Variants in CDH4 observed in about 807,000 individuals in gnomAD.
The protein encoded by CDH4 is cadherin 4.
A neutral mutation model predicts 86.0 loss-of-function variants in CDH4; 33 were observed. That is an observed-to-expected ratio of 0.38 (90% CI 0.29 to 0.51). CDH4 has a LOEUF of 0.51. Ranked by LOEUF, CDH4 falls within the 20% of genes least tolerant of loss-of-function variation. The pLI, the probability that CDH4 is intolerant of heterozygous loss-of-function variation, is 0.86. For missense variants in CDH4, 1,114 were observed against 1,307.4 expected (o/e 0.85, Z 2.28); for synonymous variants, 555 against 549.4 (o/e 1.01, Z -0.14).
chr20:61,684,687 A>T lies in CDH4; in HGVS notation c.170-58876A>T, dbSNP rs115092541. Among the ~76,000 whole-genome samples the T allele has an allele frequency of 1.3e-5, 2 of 152,136 alleles. No homozygotes were observed. Among genetic ancestry groups the T allele is most frequent in the African/African-American group, 4.8e-5 (2 of 41,502 alleles). On this transcript the variant is annotated intron_variant, in intron 2 of 15. Coordinates refer to ENST00000614565, the MANE Select transcript of CDH4 (RefSeq NM_001794.5). The surrounding 1 kb of genome is among the most constrained non-coding windows in gnomAD (Gnocchi z 4.5). ...ATCTCAAAGTCTTACAAACCATCTT[A>T]GCGTTTTTGTGCAAACAGCTCCCAA...
intron 2 of CDH4, among the ~76,000 whole-genome samples, chr20:61,491,414 G>C (rs2427136): frequency 0.34 from 52,152 of 152,060 alleles, 10,883 homozygotes; most frequent in Admixed American, 0.48. Context: ...TATGACTCGT[G>C]ATGCTGGTAA....
intron 2 of CDH4, among the ~76,000 whole-genome samples, chr20:61,739,969 C>A (rs1230318950): frequency 1.3e-5 from 2 of 152,192 alleles, no homozygotes; most frequent in Non-Finnish European, 2.9e-5. Flanking sequence ...ACACGGAGAC[C>A]CTCAGTGCAT....
chr20:61,772,872 C>T (rs76634929), intron 3 of CDH4, 131 bp from the exon 4 acceptor site: 57,697 of 661,424 alleles, frequency 0.087, 2,955 homozygotes, highest in African/African-American at 0.12. Flanking sequence ...TCCCGCTTAG[C>T]TCCTTGTCCC....
intron 13 of CDH4, among the ~76,000 whole-genome samples, chr20:61,932,773 G>A (rs1413061662): frequency 6.6e-6 from 1 of 152,230 alleles, no homozygotes; most frequent in Admixed American, 6.5e-5. Context: ...CACGCACGTG[G>A]GCCGCACATG....
chr20:61,545,844 A>G (rs2086075054), intron 2 of CDH4, among the ~76,000 whole-genome samples: 3 of 115,200 alleles, frequency 2.6e-5, no homozygotes, highest in Non-Finnish European at 5.4e-5. Context: ...GTGTGTGTGG[A>G]GGGGTATGTG....
At chr20:61,714,031 ATT>A (rs1378684287) in intron 2 of CDH4, among the ~76,000 whole-genome samples, 2 of 135,600 alleles carry the variant, frequency 1.5e-5, no homozygotes, top group African/African-American at 6.9e-5. Flanking sequence ...TTTTTATTTT[ATT>A]TTATTTTATT....
At chr20:61,882,082 C>T (rs991124742) in intron 7 of CDH4, among the ~76,000 whole-genome samples, 4 of 152,226 alleles carry the variant, frequency 2.6e-5, no homozygotes, top group Admixed American at 6.5e-5. Context: ...ACCCTGCCCG[C>T]GCCTCCACCT....
chr20:61,760,140 C>T (rs1425403021), intron 3 of CDH4, among the ~76,000 whole-genome samples: 1 of 145,308 alleles, frequency 6.9e-6, no homozygotes, highest in African/African-American at 2.6e-5. Flanking sequence ...TGTATCTTCG[C>T]TTTTGGTGGG....
chr20:61,644,279 A>G (rs944266), intron 2 of CDH4, among the ~76,000 whole-genome samples: 55,498 of 152,132 alleles, frequency 0.36, 10,335 homozygotes, highest in East Asian at 0.61. Flanking sequence ...AAGGGAGGCC[A>G]CGTCACAGGC....
Position 61,902,771 on chromosome 20 carries a change from A to G in CDH4, c.1189-7651A>G, listed in dbSNP as rs954093115. Among the ~76,000 whole-genome samples the G allele has an allele frequency of 1.3e-5, 2 of 152,198 alleles. No homozygotes were observed. Among genetic ancestry groups the G allele is most frequent in the Non-Finnish European group, 2.9e-5 (2 of 68,016 alleles). On this transcript the variant is annotated intron_variant, in intron 8 of 15. Transcript: ENST00000614565. The surrounding 1 kb of genome is among the most constrained non-coding windows in gnomAD (Gnocchi z 4.6). ...AGGCTACATAGGTGTCGTTTTGGGAATATTTGAAGGAGGAAGATTCTAGCA... is the reference window on the plus strand; with the variant it reads ...AGGCTACATAGGTGTCGTTTTGGGAGTATTTGAAGGAGGAAGATTCTAGCA...
intron 2 of CDH4, among the ~76,000 whole-genome samples, chr20:61,297,910 C>T (rs915836042): frequency 2.0e-5 from 3 of 152,210 alleles, no homozygotes; most frequent in Admixed American, 6.5e-5. Flanking sequence ...GGGCAGTGCT[C>T]GCCTGTGGCC....
At chr20:61,553,977 T>C (rs186203001) in intron 2 of CDH4, among the ~76,000 whole-genome samples, 3 of 152,198 alleles carry the variant, frequency 2.0e-5, no homozygotes, top group Admixed American at 2.0e-4. Flanking sequence ...GCCAGGTCCC[T>C]GTCCTAGGAG....
Position 61,258,264 on chromosome 20 carries a change from A to G in CDH4, c.169+3327A>G, listed in dbSNP as rs1447448969. Among the ~76,000 whole-genome samples, 7 of 137,802 alleles carry G rather than the reference A, an allele frequency of 5.1e-5. No individual in the cohort carries two copies. In the East Asian group the frequency reaches 1.7e-3, roughly 34 times the overall value. The allele number at this position is 137,802 out of a possible 152,430, so 90.4% of individuals were successfully genotyped here. ...AGAATGGCATGAAACCAGGAGGCGGAGCTTGCAGTGAGTCGAGATCGCGCC... is the reference window on the plus strand; with the variant it reads ...AGAATGGCATGAAACCAGGAGGCGGGGCTTGCAGTGAGTCGAGATCGCGCC... On this transcript the variant is annotated intron_variant, in intron 2 of 15. Transcript: ENST00000614565.
intron 3 of CDH4, among the ~76,000 whole-genome samples, chr20:61,770,138 G>T (rs979743892): frequency 6.6e-6 from 1 of 152,154 alleles, no homozygotes; most frequent in African/African-American, 2.4e-5. Flanking sequence ...CCCCTGAGGA[G>T]CCTAGAAAAG....
At chr20:61,304,853 G>A (rs560355768) in intron 2 of CDH4, among the ~76,000 whole-genome samples, 5 of 145,816 alleles carry the variant, frequency 3.4e-5, no homozygotes, top group South Asian at 2.2e-4. Flanking sequence ...CATGCAGCAC[G>A]TGTATTGTGT....
At chr20:61,894,339 A>T (rs1424541760) in intron 7 of CDH4, among the ~76,000 whole-genome samples, 1 of 152,170 alleles carries the variant, frequency 6.6e-6, no homozygotes, top group East Asian at 1.9e-4. Flanking sequence ...TAAAGCTCAC[A>T]CCTGCGCCTG....
At chr20:61,777,965 A>G (rs1002931524) in intron 4 of CDH4, among the ~76,000 whole-genome samples, 5 of 150,990 alleles carry the variant, frequency 3.3e-5, no homozygotes, top group African/African-American at 1.2e-4. Context: ...ACACGTGCAT[A>G]CTATACACAC....
chr20:61,579,789 C>T (rs1490265635), intron 2 of CDH4, among the ~76,000 whole-genome samples: 1 of 152,146 alleles, frequency 6.6e-6, no homozygotes, highest in Non-Finnish European at 1.5e-5. Context: ...TGCCTCCCCA[C>T]TGAAACTTCA....
At chr20:61,868,253 G>A (rs1271691732) in intron 6 of CDH4, among the ~76,000 whole-genome samples, 6 of 152,304 alleles carry the variant, frequency 3.9e-5, no homozygotes, top group South Asian at 2.1e-4. Flanking sequence ...TCCTGGGGCC[G>A]TCTGTGTTCC....
Sources: gnomAD v4.1 joint callset for allele counts (sites outside exome capture counted in the v4.1 genomes callset) on GRCh38, gnomAD v4.1.1 for gene constraint, Gnocchi (gnomAD v3.1) non-coding constraint, MANE v1.5 for transcripts, NCBI Gene and HGNC (gene_info 2026-07-23, HGNC 2026-07-21) for gene names.